The following ZNF180 variants were observed in gnomAD, a reference collection of about 807,000 sequenced individuals.
ZNF180 encodes zinc finger protein 180 (HHZ168).
ZNF180 carries 11 observed loss-of-function variants against 11.8 expected under a neutral mutation model. That is an observed-to-expected ratio of 0.93 (90% CI 0.59 to 1.55). The LOEUF is 1.55. Ranked by LOEUF, ZNF180 falls within the 40% of genes most tolerant of loss-of-function variation. The pLI, the probability that ZNF180 is intolerant of heterozygous loss-of-function variation, is 0.00. For synonymous variants in ZNF180, 287 were observed against 257.7 expected (o/e 1.11, Z -1.09); for missense variants, 773 against 781.7 (o/e 0.99, Z 0.13).
intron 1 of ZNF180, among the ~76,000 whole-genome samples, chr19:44,499,390 T>A (rs147830454): frequency 1.2e-3 from 185 of 152,346 alleles, no homozygotes; most frequent in Middle Eastern, 0.01. Flanking sequence ...ACCTGCTTCA[T>A]AACGATGCTG....
chr19:44,490,097 AGCG>A (rs1970406410), intron 2 of ZNF180, among the ~76,000 whole-genome samples: 2 of 50,460 alleles, frequency 4.0e-5, no homozygotes, highest in Non-Finnish European at 1.1e-4. Flanking sequence ...GAAGGGAAAG[AGCG>A]AAAGGAAGGG....
At position 44,476,697 on chromosome 19, in the gene ZNF180, T is replaced by G; in HGVS notation, c.1703A>C (p.His568Pro). The G allele has an allele frequency of 1.9e-6, 3 of 1,614,242 alleles. No homozygotes were observed. The highest frequency in any genetic ancestry group is 2.5e-6 in the Non-Finnish European group (3 of 1,180,026). ...SFSQSYVLVV[H>P]QRTHTGEKPY... is the part of the protein sequence containing the mutation. ...CTTTTCTCCAGTATGAGTTCTCTGA[T>G]GTACAACAAGAACATAACTCTGGCT... Residue 568 changes from histidine (H) to proline (P), a missense_variant, in exon 5 of 5, where the codon CAT becomes CCT. By Grantham distance (77) the His-to-Pro change is moderately conservative (BLOSUM62 -2). Coordinates refer to ENST00000592529, the MANE Select transcript of ZNF180 (RefSeq NM_001278509.3).
At position 44,488,476 on chromosome 19, in the gene ZNF180, G is replaced by A. The variant is rs545036125; in HGVS notation, c.52-4041C>T. 1.4e-4 allele frequency among the ~76,000 whole-genome samples: 22 copies of A among 152,152 alleles called. No homozygotes were observed. In the East Asian group the frequency reaches 2.7e-3, roughly 19 times the overall value. On this transcript the variant is annotated intron_variant, in intron 2 of 4. Coordinates refer to ENST00000592529, the MANE Select transcript of ZNF180 (RefSeq NM_001278509.3). Reference sequence around the variant, plus strand: ...GAGACGGGGTTTCGCTGTGTTGGCCGGGCTGGTCTCCAGCTCCTAACCTGA... The same window carrying A: ...GAGACGGGGTTTCGCTGTGTTGGCCAGGCTGGTCTCCAGCTCCTAACCTGA...
rs1476081838 is a variant in ZNF180, at chr19:44,475,120, A to C, written c.*1282T>G. 1 of 152,236 alleles carries C rather than the reference A, an allele frequency of 6.6e-6. No individual in the cohort carries two copies. The highest frequency in any genetic ancestry group is 6.5e-5 in the Admixed American group (1 of 15,284). The allele number at this position is 152,236 out of a possible 1,614,324, so 9.4% of individuals were successfully genotyped here. The stretch of plus-strand genomic sequence containing the variant: ...GAGGCTTCAATATATGGTCATCCAC[A>C]GGATTCAAATTCATGATTCAAGGGA... On this transcript the variant is annotated 3_prime_UTR_variant, in exon 5 of 5. Coordinates refer to ENST00000592529, the MANE Select transcript of ZNF180 (RefSeq NM_001278509.3).
Position 44,497,282 on chromosome 19 carries a change from A to G in ZNF180, c.51+2T>C. 6.3e-7 allele frequency: 1 copy of G among 1,575,032 alleles called. No homozygotes were observed. Among genetic ancestry groups the G allele is most frequent in the Non-Finnish European group, 8.6e-7 (1 of 1,167,096 alleles). ...AGACCCAAGCTCTGGGTCTCCACTC[A>G]CCTGTGCACAGACCTTCGGGGGCTC... On this transcript the variant is annotated splice_donor_variant, in intron 2 of 4. Transcript: ENST00000592529. LOFTEE classifies it high-confidence loss of function.
intron 2 of ZNF180, among the ~76,000 whole-genome samples, chr19:44,487,354 T>C (rs898763500): frequency 6.6e-6 from 1 of 152,220 alleles, no homozygotes; most frequent in Non-Finnish European, 1.5e-5. Context: ...GCTGCTGCAA[T>C]GTAAAGAAGG....
At chr19:44,486,923 A>G (rs28428189) in intron 2 of ZNF180, among the ~76,000 whole-genome samples, 6,733 of 152,264 alleles carry the variant, frequency 0.044, 407 homozygotes, top group African/African-American at 0.12. Flanking sequence ...GTATACCTGT[A>G]GTCCCAGCTA....
At chr19:44,500,136 C>G in intron 1 of ZNF180, 139 bp downstream of exon 1, 1 of 1,611,824 alleles carries the variant, frequency 6.2e-7, no homozygotes, top group Non-Finnish European at 8.5e-7. Flanking sequence ...ACTCCATCAA[C>G]CCCGGTGACC....
chr19:44,500,117 G>C (rs1970706828), intron 1 of ZNF180, 158 bp downstream of exon 1: 2 of 1,593,782 alleles, frequency 1.3e-6, no homozygotes, highest in Middle Eastern at 3.3e-4. Context: ...ATATACAGCT[G>C]TATCAGTAAC....
chr19:44,489,996 A>AGAAG (rs1970394253), intron 2 of ZNF180, among the ~76,000 whole-genome samples: 1 of 76,290 alleles, frequency 1.3e-5, no homozygotes, highest in Non-Finnish European at 2.5e-5. Flanking sequence ...AGAAAAAGCA[A>AGAAG]GAAAGAAAGA....
At chr19:44,493,431 G>GATTTTT (rs1970498632) in intron 2 of ZNF180, among the ~76,000 whole-genome samples, 1 of 152,190 alleles carries the variant, frequency 6.6e-6, no homozygotes, top group Non-Finnish European at 1.5e-5. Context: ...AAAGACTTTG[G>GATTTTT]CTCCCTTGAT....
intron 2 of ZNF180, among the ~76,000 whole-genome samples, chr19:44,488,681 G>A (rs1419458674): frequency 6.6e-6 from 1 of 151,888 alleles, no homozygotes; most frequent in Non-Finnish European, 1.5e-5. Flanking sequence ...CTGCCCAGCT[G>A]CCACCCCGTC....
At position 44,495,529 on chromosome 19, in the gene ZNF180, A is replaced by C. The variant is rs955879964; in HGVS notation, c.51+1755T>G. ...CACACCAGGCTGCACCTGACCCCCA[A>C]CACAGGTGCACATCTCACCCCACTC... On this transcript the variant is annotated intron_variant, in intron 2 of 4. Transcript: ENST00000592529. The surrounding 1 kb of genome is among the most constrained non-coding windows in gnomAD (Gnocchi z 4.5). Among the ~76,000 whole-genome samples, 2 of 151,960 alleles carry C rather than the reference A, an allele frequency of 1.3e-5. No homozygotes were observed. The highest frequency in any genetic ancestry group is 4.8e-5 in the African/African-American group (2 of 41,344).
rs1252310260 is a variant in ZNF180 at position 44,474,731 on chromosome 19, T to G, written c.*1671A>C. 6.6e-6 allele frequency: 1 copy of G among 152,264 alleles called. No homozygotes were observed. The allele number at this position is 152,264 out of a possible 1,614,324, so 9.4% of individuals were successfully genotyped here. A position where few individuals can be genotyped will look rare whatever the true frequency, so the allele number is the denominator to read the frequency against. Reference sequence around the variant, plus strand: ...CAGTCTTTCAACCCCACTGGCCATGTAAGACTAGGCCTGGAGCCTGGAACA... The same window carrying G: ...CAGTCTTTCAACCCCACTGGCCATGGAAGACTAGGCCTGGAGCCTGGAACA... On this transcript the variant is annotated 3_prime_UTR_variant, in exon 5 of 5. Coordinates refer to ENST00000592529, the MANE Select transcript of ZNF180 (RefSeq NM_001278509.3).
intron 2 of ZNF180, among the ~76,000 whole-genome samples, chr19:44,489,088 G>A (rs1398633010): frequency 3.6e-5 from 5 of 137,184 alleles, no homozygotes; most frequent in South Asian, 2.4e-4. Flanking sequence ...CAGCCGCCCC[G>A]TCCGGGAGGG....
chr19:44,476,615 T>G lies in ZNF180; in HGVS notation c.1785A>C (p.Gln595His), dbSNP rs368909747. The change falls in exon 5 of 5, where the codon CAA becomes CAC. Residue 595 changes from glutamine to histidine, a missense_variant. By Grantham distance (24) the Gln-to-His change is conservative. Coordinates refer to ENST00000592529, the MANE Select transcript of ZNF180 (RefSeq NM_001278509.3). The stretch of plus-strand genomic sequence containing the variant: ...TCTCTCCAGTATGAGTTCTCTGATG[T>G]TGAGTAAGGCATGAACTCTGTCTGA... ...KSFRQSSCLT[Q>H]HQRTHTGEKP... is the part of the protein sequence containing the mutation. The G allele has an allele frequency of 4.3e-6, 7 of 1,614,102 alleles. No individual in the cohort carries two copies. The Admixed American group carries it at 1.2e-4, about 27-fold the overall frequency.
intron 3 of ZNF180, 105 bp from the exon 4 acceptor site, chr19:44,479,514 G>GT (rs1970024755): frequency 1.3e-6 from 2 of 1,514,708 alleles, no homozygotes; most frequent in Non-Finnish European, 9.0e-7. Context: ...GGTGACCTGG[G>GT]AGTTGTCCTT....
rs187771228 is a variant in ZNF180, at chr19:44,486,807, G to A, written c.52-2372C>T. ...TGTAATTCTAGCACTTTGGGAGGCC[G>A]AGGTGGGCAGATTGCCTGAACTCAG... On this transcript the variant is annotated intron_variant, in intron 2 of 4. Transcript: ENST00000592529. Among the ~76,000 whole-genome samples, 420 of 152,202 alleles carry A rather than the reference G, an allele frequency of 2.8e-3. 4 individuals are homozygous for A. The highest frequency in any genetic ancestry group is 8.9e-3 in the African/African-American group (369 of 41,520).
At chr19:44,497,209 T>G (rs764528317) in intron 2 of ZNF180, 75 bp downstream of exon 2, 1 of 1,356,012 alleles carries the variant, frequency 7.4e-7, no homozygotes, top group Non-Finnish European at 9.8e-7. Flanking sequence ...GCAAAGAGAG[T>G]CAGGGAGGAG....
Sources: gnomAD v4.1 joint callset for allele counts (sites outside exome capture counted in the v4.1 genomes callset) on GRCh38, gnomAD v4.1.1 for gene constraint, Gnocchi (gnomAD v3.1) non-coding constraint, MANE v1.5 for transcripts, NCBI Gene and HGNC (gene_info 2026-07-23, HGNC 2026-07-21) for gene names.